Variants in SHBG observed in about 807,000 individuals in gnomAD.
SHBG encodes sex hormone binding globulin, also known as sex hormone-binding globulin.
SHBG carries 37 observed loss-of-function variants against 41.9 expected under a neutral mutation model. That is an observed-to-expected ratio of 0.88 (90% CI 0.68 to 1.16). The LOEUF (loss-of-function observed/expected upper bound fraction) is 1.16. Ranked by LOEUF, SHBG falls within the 50% of genes most tolerant of loss-of-function variation. The pLI is 0.00. For synonymous variants in SHBG, 217 were observed against 205.8 expected (o/e 1.05, Z -0.47); for missense variants, 466 against 499.9 (o/e 0.93, Z 0.65).
At chr17:7,614,664 GC>G in intron 1 of SHBG, 1 of 413,812 alleles carries the variant, frequency 2.4e-6, no homozygotes, top group Non-Finnish European at 3.9e-6. Context: ...AGCCGGGCCG[GC>G]CCCACGGCGG....
upstream of SHBG, among the ~76,000 whole-genome samples, chr17:7,623,654 T>C (rs1485115747): frequency 1.3e-5 from 2 of 152,072 alleles, no homozygotes; most frequent in Non-Finnish European, 2.9e-5. Context: ...GTGACCGGGT[T>C]TTGCCCTGTT....
chr17:7,617,844 G>A (rs565820844), intron 1 of SHBG, among the ~76,000 whole-genome samples: 7 of 152,282 alleles, frequency 4.6e-5, no homozygotes, highest in Middle Eastern at 3.4e-3. Context: ...GGCACTTTGC[G>A]AGGCTGAAGC....
chr17:7,627,537 C>T, upstream of SHBG: 1 of 1,605,166 alleles, frequency 6.2e-7, no homozygotes, highest in Non-Finnish European at 8.5e-7. This position sits in a 1 kb window ranked among gnomAD's most constrained non-coding sequence, Gnocchi z 4.8. Context: ...CCGCGCCACT[C>T]TGACCCCCGG....
upstream of SHBG, chr17:7,627,307 A>C (rs1597908845): frequency 4.3e-6 from 7 of 1,611,054 alleles, no homozygotes; most frequent in Non-Finnish European, 5.1e-6. This position sits in a 1 kb window ranked among gnomAD's most constrained non-coding sequence, Gnocchi z 4.8. Flanking sequence ...CGCCTGGGGA[A>C]CCCATCCCTC....
upstream of SHBG, chr17:7,627,774 G>T: frequency 1.0e-6 from 1 of 956,470 alleles, no homozygotes; most frequent in Non-Finnish European, 1.7e-6. This position sits in a 1 kb window ranked among gnomAD's most constrained non-coding sequence, Gnocchi z 4.8. Flanking sequence ...CGGGGTAGCC[G>T]CGGCCTGGTA....
At chr17:7,614,732 G>A in intron 1 of SHBG, 4 of 261,778 alleles carry the variant, frequency 1.5e-5, no homozygotes, top group Non-Finnish European at 2.8e-5. Context: ...GTCCGCCGCC[G>A]CCGCCTTGGT....
At chr17:7,620,541 G>C (rs1275397995) in intron 1 of SHBG, among the ~76,000 whole-genome samples, 6 of 152,054 alleles carry the variant, frequency 3.9e-5, no homozygotes, top group African/African-American at 1.2e-4. Flanking sequence ...GGCTGGTCTC[G>C]AACTCCTGAC....
upstream of SHBG, chr17:7,627,672 C>A (rs375233953): frequency 1.6e-5 from 26 of 1,613,304 alleles, no homozygotes; most frequent in Non-Finnish European, 2.2e-5. This position sits in a 1 kb window ranked among gnomAD's most constrained non-coding sequence, Gnocchi z 4.8. Context: ...GTCCCAGGGC[C>A]TCGCAAACGG....
Position 7,630,544 on chromosome 17 carries a change from G to C in SHBG, c.203+37G>C, listed in dbSNP as rs1030059810. On this transcript the variant is annotated intron_variant, in intron 2 of 7. Transcript: ENST00000380450. This position sits in a 1 kb window ranked among gnomAD's most constrained non-coding sequence, Gnocchi z 4.6. ...GCCTAGCCCTTGACCCAGTCCCCTG[G>C]TTCTGCCCTCTCTCCATCAGCTCTT... 3 of 1,584,808 alleles carry C rather than the reference G, an allele frequency of 1.9e-6. No individual in the cohort carries two copies. The Admixed American group carries it at 5.0e-5, about 26-fold the overall frequency.
upstream of SHBG, chr17:7,627,751 T>A: frequency 9.0e-7 from 1 of 1,113,064 alleles, no homozygotes. This position sits in a 1 kb window ranked among gnomAD's most constrained non-coding sequence, Gnocchi z 4.8. Context: ...GTGGCGGGAG[T>A]CGGGGGGGAC....
chr17:7,623,832 A>T (rs915149563), upstream of SHBG, among the ~76,000 whole-genome samples: 11 of 150,702 alleles, frequency 7.3e-5, no homozygotes, highest in Non-Finnish European at 1.6e-4. Flanking sequence ...CACAAACGTG[A>T]CTCACTTCAG....
intron 1 of SHBG, among the ~76,000 whole-genome samples, chr17:7,622,273 CT>C (rs1010867703): frequency 2.7e-5 from 4 of 148,186 alleles, no homozygotes; most frequent in African/African-American, 5.0e-5. Flanking sequence ...AATAGGATCA[CT>C]TTTTTTTTTC....
At chr17:7,614,553 C>T in intron 1 of SHBG, 2 of 1,435,556 alleles carry the variant, frequency 1.4e-6, no homozygotes, top group Non-Finnish European at 1.8e-6. Context: ...CCGCCTCCGA[C>T]TCCCCCGGCG....
At chr17:7,628,357 G>A (rs1275864066), upstream of SHBG, among the ~76,000 whole-genome samples, 1 of 151,994 alleles carries the variant, frequency 6.6e-6, no homozygotes, top group Non-Finnish European at 1.5e-5. Flanking sequence ...TCCACCTCCC[G>A]AGTTCAAGCG....
intron 1 of SHBG, among the ~76,000 whole-genome samples, chr17:7,617,270 GAC>G (rs1354941015): frequency 6.6e-6 from 1 of 151,906 alleles, no homozygotes; most frequent in African/African-American, 2.4e-5. Flanking sequence ...GCAGAAGAAA[GAC>G]ACTGGAAAAA....
chr17:7,626,720 G>C (rs376444092), upstream of SHBG: 57 of 1,613,914 alleles, frequency 3.5e-5, 1 homozygote, highest in African/African-American at 6.5e-4. Context: ...TGCTTCTTCA[G>C]GTCCTCACTT....
upstream of SHBG, among the ~76,000 whole-genome samples, chr17:7,629,185 C>CA: frequency 6.6e-6 from 1 of 152,060 alleles, no homozygotes; most frequent in East Asian, 1.9e-4. Context: ...TCAGCCTGGG[C>CA]AACGTGGTGA....
At chr17:7,632,115 C>A in intron 6 of SHBG, 100 bp downstream of exon 6, 1 of 1,265,474 alleles carries the variant, frequency 7.9e-7, no homozygotes, top group Non-Finnish European at 1.1e-6. Context: ...GTTTCCAGCC[C>A]AGGGAACATA....
upstream of SHBG, among the ~76,000 whole-genome samples, chr17:7,628,522 C>G (rs1389408343): frequency 6.6e-6 from 1 of 152,030 alleles, no homozygotes. Context: ...TCTCGGCTCA[C>G]TGCAACCTCT....
Sources: gnomAD v4.1 joint callset for allele counts (sites outside exome capture counted in the v4.1 genomes callset) on GRCh38, gnomAD v4.1.1 for gene constraint, Gnocchi (gnomAD v3.1) non-coding constraint, MANE v1.5 for transcripts, NCBI Gene and HGNC (gene_info 2026-07-23, HGNC 2026-07-21) for gene names.